ZNF124: variants seen among roughly 807,000 people sequenced by gnomAD.
The protein encoded by ZNF124 is zinc finger protein HZF-16.
A neutral mutation model predicts 26.6 loss-of-function variants in ZNF124; 25 were observed. That is an observed-to-expected ratio of 0.94 (90% confidence interval 0.68 to 1.31). The LOEUF (loss-of-function observed/expected upper bound fraction) is 1.31. Ranked by LOEUF, ZNF124 falls within the 40% of genes most tolerant of loss-of-function variation. The probability of loss-of-function intolerance (pLI) is 0.00; values close to 1 mark genes in which losing one functional copy is unlikely to be tolerated. For missense variants in ZNF124, 444 were observed against 422.2 expected, an observed-to-expected ratio of 1.05 and a Z score of -0.45; for synonymous variants, 129 against 133.3, an observed-to-expected ratio of 0.97 and a Z score of 0.22.
chr1:247,154,392 TGTA>T, downstream of ZNF124, among the ~76,000 whole-genome samples: 1 of 152,332 alleles, frequency 6.6e-6, no homozygotes, highest in South Asian at 2.1e-4. Context: ...CTGCCAGGAC[TGTA>T]AGTTTCCTGA....
At chr1:247,160,011 G>A in intron 1 of ZNF124, 198 bp from the exon 2 acceptor site, 1 of 511,422 alleles carries the variant, frequency 2.0e-6, no homozygotes, top group Non-Finnish European at 2.9e-6. Flanking sequence ...TTTTGAGACG[G>A]AGTCTCACTC....
chr1:247,147,165 G>GTC (rs1553332832), intron 3 of ZNF124, among the ~76,000 whole-genome samples: 50 of 136,594 alleles, frequency 3.7e-4, no homozygotes, highest in African/African-American at 1.2e-3. Context: ...GTTTTAGCAA[G>GTC]TTTTTTTTTT....
intron 3 of ZNF124, among the ~76,000 whole-genome samples, chr1:247,145,307 A>T (rs548821169): frequency 6.6e-6 from 1 of 152,072 alleles, no homozygotes; most frequent in African/African-American, 2.4e-5. Flanking sequence ...ACGTTGTCAG[A>T]GTGCAAATGG....
chr1:247,163,312 A>G (rs964430276), intron 1 of ZNF124, among the ~76,000 whole-genome samples: 1 of 119,798 alleles, frequency 8.3e-6, no homozygotes, highest in Non-Finnish European at 1.8e-5. Context: ...AGATAAATTG[A>G]AGAGAGAGAG....
chr1:247,169,715 A>T (rs1673988985), intron 1 of ZNF124, among the ~76,000 whole-genome samples: 1 of 148,318 alleles, frequency 6.7e-6, no homozygotes, highest in South Asian at 2.2e-4. Context: ...AGCATGAGAC[A>T]ATCCAGAGGG....
chr1:247,146,897 C>CG (rs575189153), intron 3 of ZNF124, among the ~76,000 whole-genome samples: 24 of 152,024 alleles, frequency 1.6e-4, no homozygotes, highest in Admixed American at 2.6e-4. Flanking sequence ...GAACAGGTAC[C>CG]GGGGGGTAGC....
In ZNF124 at chr1:247,172,003, G is replaced by C. The variant is rs966683387; in HGVS notation, c.-126C>G. On this transcript the variant is annotated 5_prime_UTR_variant, in exon 1 of 4. Coordinates refer to ENST00000543802, the MANE Select transcript of ZNF124 (RefSeq NM_001297568.2). ...GACCGAGACACGCACGTGCGGGCAC[G>C]AGAGACAAAGGCCGGGCACACCCGG... 1 of 38,004 alleles carries C rather than the reference G, an allele frequency of 2.6e-5. No individual in the cohort carries two copies. Among genetic ancestry groups the C allele is most frequent in the African/African-American group, 1.1e-4 (1 of 8,852 alleles). 2.4% of individuals were successfully genotyped at this position (38,004 alleles called of 1,614,324 possible). A position where few individuals can be genotyped will look rare whatever the true frequency, so the allele number is the denominator to read the frequency against.
At position 247,168,489 on chromosome 1, in the gene ZNF124, G is replaced by A. The variant is rs1322909371; in HGVS notation, c.30+3359C>T. ...CGGAAGGTTGTAGTGAGCCAAGATC[G>A]TGCCACTGCACTACAGCCTGGGTAA... On this transcript the variant is annotated intron_variant, in intron 1 of 3. Coordinates refer to ENST00000543802, the MANE Select transcript of ZNF124 (RefSeq NM_001297568.2). The surrounding 1 kb of genome is among the most constrained non-coding windows in gnomAD (Gnocchi z 4.0). Among the ~76,000 whole-genome samples, 4 of 152,206 alleles carry A rather than the reference G, an allele frequency of 2.6e-5. No individual in the cohort carries two copies. Among genetic ancestry groups the A allele is most frequent in the African/African-American group, 4.8e-5 (2 of 41,448 alleles).
At chr1:247,167,764 A>G (rs1037628910) in intron 1 of ZNF124, among the ~76,000 whole-genome samples, 3 of 152,266 alleles carry the variant, frequency 2.0e-5, no homozygotes, top group Non-Finnish European at 4.4e-5. Context: ...AGAAATAATC[A>G]GCAGAGTAAA....
In ZNF124 at chr1:247,125,469, G is replaced by T. The variant is rs543228017; in HGVS notation, c.219-1598C>A. Among the ~76,000 whole-genome samples, 4 of 72,258 alleles carry T rather than the reference G, an allele frequency of 5.5e-5. No homozygotes were observed. The East Asian group carries it at 1.2e-3, about 22-fold the overall frequency. The allele number at this position is 72,258 out of a possible 152,430, so 47.4% of individuals were successfully genotyped here. ...TTTTTTTTTTTTTTTTTTTGAGGCA[G>T]AGTTTCCTCTTTCGCCCAGGCTGGA... On this transcript the variant is annotated intron_variant, in intron 3 of 3. Transcript: ENST00000472531.
chr1:247,134,321 C>T (rs905941134), intron 3 of ZNF124, among the ~76,000 whole-genome samples: 41 of 152,188 alleles, frequency 2.7e-4, no homozygotes, highest in African/African-American at 8.9e-4. Context: ...AATTGGATAA[C>T]GAGTCAAGAC....
At chr1:247,126,295 G>A (rs1207393725) in intron 3 of ZNF124, among the ~76,000 whole-genome samples, 1 of 113,212 alleles carries the variant, frequency 8.8e-6, no homozygotes, top group African/African-American at 3.6e-5. Context: ...AGACACGCGC[G>A]GGAGCTGTCA....
downstream of ZNF124, chr1:247,150,080 G>A (rs1362396315): frequency 6.6e-6 from 1 of 152,118 alleles, no homozygotes; most frequent in African/African-American, 2.4e-5. Context: ...GCCCCCACCT[G>A]TTAACACTAT....
At chr1:247,125,153 T>G (rs1452404506) in intron 3 of ZNF124, among the ~76,000 whole-genome samples, 1 of 152,150 alleles carries the variant, frequency 6.6e-6, no homozygotes, top group African/African-American at 2.4e-5. Flanking sequence ...ATAGACCACA[T>G]TTTATCCTCT....
At chr1:247,123,531 T>C (rs1229541694) in exon 4 of ZNF124, 5 of 278,814 alleles carry the variant, frequency 1.8e-5, no homozygotes, top group Non-Finnish European at 3.3e-5. Flanking sequence ...TTTATTGGGA[T>C]CACACACGTA....
chr1:247,166,876 A>C (rs1673808548), intron 1 of ZNF124, among the ~76,000 whole-genome samples: 1 of 152,238 alleles, frequency 6.6e-6, no homozygotes, highest in Non-Finnish European at 1.5e-5. Flanking sequence ...GCATCATACT[A>C]ACGCAGAAAT....
Position 247,158,978 on chromosome 1 carries a change from A to G in ZNF124, c.218+28T>C, listed in dbSNP as rs766411578. ...TATACTACAATTGACCCCAAGGGGG[A>G]CTGCTTCCTCTTGTGAGGGCAAATT... On this transcript the variant is annotated intron_variant, in intron 3 of 3. Coordinates refer to ENST00000543802, the MANE Select transcript of ZNF124 (RefSeq NM_001297568.2). 37 of 1,601,158 alleles carry G rather than the reference A, an allele frequency of 2.3e-5. 1 individual carries two copies. The highest frequency in any genetic ancestry group is 3.1e-5 in the Non-Finnish European group (36 of 1,170,976).
At chr1:247,141,804 C>G (rs1317174215) in intron 3 of ZNF124, among the ~76,000 whole-genome samples, 1 of 152,206 alleles carries the variant, frequency 6.6e-6, no homozygotes, top group Non-Finnish European at 1.5e-5. Flanking sequence ...TCTCAGTCCC[C>G]AGGAGACCAC....
intron 3 of ZNF124, among the ~76,000 whole-genome samples, chr1:247,131,310 C>T (rs6658993): frequency 0.051 from 7,732 of 152,198 alleles, 238 homozygotes; most frequent in African/African-American, 0.078. Context: ...GTGCAACCCA[C>T]GGATTGGAAG....
Sources: gnomAD v4.1 joint callset for allele counts (sites outside exome capture counted in the v4.1 genomes callset) on GRCh38, gnomAD v4.1.1 for gene constraint, Gnocchi (gnomAD v3.1) non-coding constraint, MANE v1.5 for transcripts, NCBI Gene and HGNC (gene_info 2026-07-23, HGNC 2026-07-21) for gene names.